The following NRXN3 variants were observed in gnomAD, a reference collection of about 807,000 sequenced individuals.
NRXN3 encodes the protein neurexin III.
In NRXN3, 32 loss-of-function variants were observed where a neutral mutation model predicts 137.6. The ratio of observed to expected loss-of-function variants is 0.23; its 90% confidence interval spans 0.18 to 0.31. NRXN3 has a LOEUF of 0.31. Ranked by LOEUF, NRXN3 falls within the 10% of genes least tolerant of loss-of-function variation. NRXN3 has a pLI of 1.00. For synonymous variants in NRXN3, 798 were observed against 784.5 expected, an observed-to-expected ratio of 1.02 and a Z score of -0.29; for missense variants, 1,574 against 2,062.5, an observed-to-expected ratio of 0.76 and a Z score of 4.59.
chr14:79,748,154 G>T (rs1051792507), intron 19 of NRXN3, among the ~76,000 whole-genome samples: 2 of 151,818 alleles, frequency 1.3e-5, no homozygotes, highest in African/African-American at 2.4e-5. Context: ...GTTTACCTAC[G>T]TAACAAACCT....
Position 78,255,327 on chromosome 14 carries a change from G to A in NRXN3, c.709+11525G>A, listed in dbSNP as rs1415019240. Among the ~76,000 whole-genome samples, 4 of 152,290 alleles carry A rather than the reference G, an allele frequency of 2.6e-5. No homozygotes were observed. In the East Asian group the frequency reaches 5.8e-4, roughly 22 times the overall value. The stretch of plus-strand genomic sequence containing the variant: ...TGGTTTCATTGTGCAGCCAGGCCTC[G>A]GACCACACGCATGTGCTGGGAAGTG... On this transcript the variant is annotated intron_variant, in intron 2 of 20. Coordinates refer to ENST00000335750, the MANE Select transcript of NRXN3 (RefSeq NM_001330195.2).
chr14:78,555,157 T>C (rs1450378170), intron 4 of NRXN3, among the ~76,000 whole-genome samples: 2 of 152,170 alleles, frequency 1.3e-5, no homozygotes, highest in South Asian at 4.1e-4. Context: ...GTAACAGTTA[T>C]AAAGAGGTTA....
chr14:79,488,126 A>G (rs2096674686), intron 16 of NRXN3, among the ~76,000 whole-genome samples: 1 of 152,192 alleles, frequency 6.6e-6, no homozygotes, highest in African/African-American at 2.4e-5. Flanking sequence ...ACAAAAGTGA[A>G]GTAGAATTTG....
chr14:79,144,107 T>C (rs2059073809), intron 15 of NRXN3, among the ~76,000 whole-genome samples: 1 of 152,184 alleles, frequency 6.6e-6, no homozygotes, highest in Non-Finnish European at 1.5e-5. Flanking sequence ...TTGACAAAAG[T>C]TGGATTCATT....
chr14:78,504,922 G>C (rs1298557084), intron 4 of NRXN3, among the ~76,000 whole-genome samples: 1 of 152,128 alleles, frequency 6.6e-6, no homozygotes, highest in Non-Finnish European at 1.5e-5. Context: ...GAGGGTCACA[G>C]CTCTTAGACC....
chr14:79,494,775 G>C (rs574434597), intron 16 of NRXN3, among the ~76,000 whole-genome samples: 1 of 152,096 alleles, frequency 6.6e-6, no homozygotes, highest in African/African-American at 2.4e-5. Context: ...ATGTAACCGT[G>C]ATACATGGTT....
chr14:79,444,882 T>C (rs75603783), intron 15 of NRXN3, among the ~76,000 whole-genome samples: 3,640 of 152,232 alleles, frequency 0.024, 153 homozygotes, highest in African/African-American at 0.083. Flanking sequence ...AATAAACACA[T>C]ACATATTGTG....
chr14:79,242,844 C>T (rs1165766857), intron 15 of NRXN3, among the ~76,000 whole-genome samples: 1 of 152,134 alleles, frequency 6.6e-6, no homozygotes, highest in Non-Finnish European at 1.5e-5. Context: ...TACATATGTT[C>T]TATGCTGAGG....
intron 4 of NRXN3, among the ~76,000 whole-genome samples, chr14:78,511,461 C>T (rs1416643226): frequency 6.6e-6 from 1 of 152,138 alleles, no homozygotes; most frequent in African/African-American, 2.4e-5. Context: ...TATATGAAGC[C>T]CAGGTGGGAG....
At chr14:79,529,695 A>G (rs2097152995) in intron 16 of NRXN3, among the ~76,000 whole-genome samples, 1 of 152,246 alleles carries the variant, frequency 6.6e-6, no homozygotes, top group Admixed American at 6.5e-5. Flanking sequence ...AGAAAAATAA[A>G]GTTATCTCTC....
chr14:78,555,014 C>G (rs1315850665), intron 4 of NRXN3, among the ~76,000 whole-genome samples: 1 of 152,058 alleles, frequency 6.6e-6, no homozygotes, highest in Non-Finnish European at 1.5e-5. Flanking sequence ...CTTATTCACT[C>G]CTCTGCTCTG....
intron 2 of NRXN3, among the ~76,000 whole-genome samples, chr14:78,277,294 G>A (rs1392682022): frequency 6.6e-6 from 1 of 152,150 alleles, no homozygotes; most frequent in East Asian, 1.9e-4. Flanking sequence ...GAGGCACAGA[G>A]AATAAACCAT....
intron 15 of NRXN3, among the ~76,000 whole-genome samples, chr14:79,243,571 C>T (rs1292454111): frequency 6.6e-6 from 1 of 152,050 alleles, no homozygotes; most frequent in Non-Finnish European, 1.5e-5. Context: ...GAAATGTGTC[C>T]TTAAGTGATT....
At chr14:79,838,245 G>T (rs1603618482) in intron 20 of NRXN3, among the ~76,000 whole-genome samples, 2 of 152,012 alleles carry the variant, frequency 1.3e-5, no homozygotes, top group Admixed American at 1.3e-4. Flanking sequence ...TTATTTTTTG[G>T]CTAACAGCAT....
chr14:78,688,254 C>G (rs941255913), intron 6 of NRXN3, among the ~76,000 whole-genome samples: 2 of 151,926 alleles, frequency 1.3e-5, no homozygotes, highest in Non-Finnish European at 2.9e-5. Context: ...AATCCAAAGA[C>G]AGAACATGAG....
chr14:79,528,786 T>A (rs1415212658), intron 16 of NRXN3, among the ~76,000 whole-genome samples: 1 of 152,160 alleles, frequency 6.6e-6, no homozygotes, highest in Non-Finnish European at 1.5e-5. Flanking sequence ...AAATGGATGA[T>A]TTTGTTTTCT....
chr14:78,389,099 A>C (rs2090401764), intron 4 of NRXN3, among the ~76,000 whole-genome samples: 1 of 149,088 alleles, frequency 6.7e-6, no homozygotes, highest in African/African-American at 2.5e-5. Context: ...TCTGTTGCCC[A>C]GGCTGGAGTG....
chr14:79,680,915 C>T (rs1603424213), intron 17 of NRXN3, among the ~76,000 whole-genome samples: 2 of 152,102 alleles, frequency 1.3e-5, no homozygotes, highest in Admixed American at 6.5e-5. Flanking sequence ...TACTCATTAT[C>T]GTCTTGGAGT....
intron 15 of NRXN3, among the ~76,000 whole-genome samples, chr14:79,244,177 G>C (rs1036978954): frequency 6.6e-6 from 1 of 152,104 alleles, no homozygotes; most frequent in Non-Finnish European, 1.5e-5. Context: ...GTTTCTAAGA[G>C]TCTCTCTCCA....
Sources: allele counts gnomAD v4.1 joint callset (sites outside exome capture counted in the v4.1 genomes callset), GRCh38; gene constraint gnomAD v4.1.1; transcripts MANE v1.5; gene names NCBI Gene and HGNC (gene_info 2026-07-23, HGNC 2026-07-21).